The following SMC2 variants were observed in gnomAD, a reference collection of about 807,000 sequenced individuals.
SMC2 encodes the protein structural maintenance of chromosomes 2, also known as structural maintenance of chromosomes protein 2.
Under a neutral mutation model 142.6 loss-of-function variants are expected in SMC2, and 41 were observed. That is an observed-to-expected ratio of 0.29 (90% CI 0.22 to 0.37). The LOEUF (loss-of-function observed/expected upper bound fraction) is 0.37, where lower values mean the gene tolerates loss of function less well. SMC2 is among the 10% of genes least tolerant of loss of function. The pLI, the probability that SMC2 is intolerant of heterozygous loss-of-function variation, is 1.00. For missense variants in SMC2, 1,265 were observed against 1,373.7 expected, an observed-to-expected ratio of 0.92 and a Z score of 1.25; for synonymous variants, 463 against 457.5, an observed-to-expected ratio of 1.01 and a Z score of -0.15.
chr9:104,094,973 TAG>T (rs1830294726), intron 1 of SMC2: 2 of 184,430 alleles, frequency 1.1e-5, no homozygotes, highest in Non-Finnish European at 2.3e-5. Context: ...GTGAGTGCAG[TAG>T]AGAGTAAGCT....
chr9:104,132,793 C>G (rs542417206), intron 22 of SMC2, among the ~76,000 whole-genome samples: 1 of 151,454 alleles, frequency 6.6e-6, no homozygotes, highest in Non-Finnish European at 1.5e-5. Context: ...AAAGGCTGAC[C>G]CTATTAATTA....
At chr9:104,137,736 C>T (rs1283623255) in intron 23 of SMC2, among the ~76,000 whole-genome samples, 1 of 152,068 alleles carries the variant, frequency 6.6e-6, no homozygotes, top group Non-Finnish European at 1.5e-5. Flanking sequence ...TTAAAACTAA[C>T]ATGATCTTAA....
upstream of SMC2, among the ~76,000 whole-genome samples, chr9:104,093,745 C>A (rs4743686): frequency 1.6e-4 from 25 of 152,080 alleles, 1 homozygote; most frequent in East Asian, 3.9e-3. Context: ...AAAACGCTCC[C>A]CGAGGTCCGA....
intron 23 of SMC2, among the ~76,000 whole-genome samples, chr9:104,136,302 A>C (rs1052067421): frequency 3.3e-5 from 5 of 151,946 alleles, no homozygotes; most frequent in African/African-American, 1.2e-4. Context: ...GACCCCCTTT[A>C]TCATTTTTAT....
At chr9:104,096,362 A>G (rs1038019223) in intron 3 of SMC2, 65 bp downstream of exon 3, 12 of 1,496,528 alleles carry the variant, frequency 8.0e-6, no homozygotes, top group Non-Finnish European at 1.0e-5. Context: ...TTTTGGCCCT[A>G]TGCCTTTGCA....
Position 104,129,721 on chromosome 9 carries a change from A to T in SMC2, c.2867A>T (p.Asp956Val). The stretch of plus-strand genomic sequence containing the variant: ...TTTGGCCAACCCAATAGTGCCTATG[A>T]TTTCAAAACTAACAACCCTAAAGAA... ...HLFGQPNSAY[D>V]FKTNNPKEAG... The change falls in exon 21 of 25, where the codon GAT (aspartate) becomes GTT (valine). Residue 956 changes from aspartate to valine, a missense_variant. This residue lies in a region of SMC2 where 898 missense variants were observed against 904.2 expected (regional missense o/e 0.99). Transcript: ENST00000374793. The T allele has an allele frequency of 6.2e-7, 1 of 1,614,042 alleles. No homozygotes were observed. Among genetic ancestry groups the T allele is most frequent in the South Asian group, 1.1e-5 (1 of 91,084 alleles).
chr9:104,102,444 A>G lies in SMC2; in HGVS notation c.891A>G (p.Arg297=). Reference sequence around the variant, plus strand: ...TATAGGAAACTGGAGGTATACTTCGATCTTTAGAAGATGCTCTTGCAGAGG... The same window carrying G: ...TATAGGAAACTGGAGGTATACTTCGGTCTTTAGAAGATGCTCTTGCAGAGG... The part of the protein sequence containing the change: ...RKDKETGGIL[R]SLEDALAEAQ... Residue 297 remains arginine, a synonymous_variant, in exon 9 of 25, where the codon CGA becomes CGG. Coordinates refer to ENST00000374793, the MANE Select transcript of SMC2 (RefSeq NM_006444.3). The G allele has an allele frequency of 3.1e-6, 5 of 1,609,358 alleles. No homozygotes were observed. In the Middle Eastern group the frequency reaches 5.0e-4, roughly 160 times the overall value.
At position 104,113,401 on chromosome 9, in the gene SMC2, ATCAAGAAGC is replaced by A; in HGVS notation, c.1343_1351del (p.Gln448_Ala450del). Reference sequence around the variant, plus strand: ...AAGATGGATAGTGGCTACAGGAAGGATCAAGAAGCTCTAGAAGCTGTAAAAAGACTTAAA... The same window carrying A: ...AAGATGGATAGTGGCTACAGGAAGGATCTAGAAGCTGTAAAAAGACTTAAA... On this transcript the variant is annotated inframe_deletion, in exon 11 of 25. Transcript: ENST00000374793. 6.2e-7 allele frequency: 1 copy of A among 1,612,266 alleles called. No individual in the cohort carries two copies.
chr9:104,136,550 T>C (rs1209109210), intron 23 of SMC2, among the ~76,000 whole-genome samples: 1 of 152,084 alleles, frequency 6.6e-6, no homozygotes, highest in African/African-American at 2.4e-5. Context: ...TTTTTAGATA[T>C]ACCACTATCC....
intron 9 of SMC2, among the ~76,000 whole-genome samples, chr9:104,104,440 C>T (rs368584728): frequency 3.7e-4 from 57 of 152,294 alleles, no homozygotes; most frequent in African/African-American, 1.3e-3. Flanking sequence ...ACTTGCACAG[C>T]AGCTGAGGGA....
At position 104,139,327 on chromosome 9, in the gene SMC2, A is replaced by G. The variant is rs1222708315; in HGVS notation, c.*12A>G. 3.8e-6 allele frequency: 6 copies of G among 1,560,940 alleles called. No homozygotes were observed. The highest frequency in any genetic ancestry group is 2.4e-5 in the East Asian group (1 of 42,216). On this transcript the variant is annotated 3_prime_UTR_variant, in exon 25 of 25. Coordinates refer to ENST00000374793, the MANE Select transcript of SMC2 (RefSeq NM_006444.3). Reference sequence around the variant, plus strand: ...ATGTGGAAGTTTAAACTACAAAGTTATTTCTTCATCTTGACCTGTTTTTTT... The same window carrying G: ...ATGTGGAAGTTTAAACTACAAAGTTGTTTCTTCATCTTGACCTGTTTTTTT...
intron 1 of SMC2, chr9:104,094,691 G>C (rs4742905): frequency 0.54 from 192,410 of 357,502 alleles, 55,357 homozygotes; most frequent in African/African-American, 0.69. Context: ...CGAGGTAAAA[G>C]CCTGAGTAAA....
chr9:104,098,175 T>A (rs1701122710), intron 3 of SMC2, among the ~76,000 whole-genome samples: 1 of 152,208 alleles, frequency 6.6e-6, no homozygotes, highest in Admixed American at 6.5e-5. Context: ...AAGCTAGAAG[T>A]TACCTCGGAG....
At chr9:104,130,771 A>G (rs1338832692) in intron 21 of SMC2, among the ~76,000 whole-genome samples, 2 of 152,162 alleles carry the variant, frequency 1.3e-5, no homozygotes, top group Non-Finnish European at 2.9e-5. Context: ...TCTGAATTTG[A>G]TCTGCATAAC....
At chr9:104,098,321 A>G in intron 3 of SMC2, 125 bp from the exon 4 acceptor site, 1 of 699,246 alleles carries the variant, frequency 1.4e-6, no homozygotes, top group South Asian at 2.4e-5. Context: ...TCCACTATTT[A>G]TGCAGAATTG....
At chr9:104,136,755 C>CTTTTTTTTTTTTTTTTTTTTTTTTTTTT (rs755408895) in intron 23 of SMC2, among the ~76,000 whole-genome samples, 1 of 119,834 alleles carries the variant, frequency 8.3e-6, no homozygotes, top group African/African-American at 3.1e-5. Flanking sequence ...CTGTTTTATT[C>CTTTTTTTTTTTTTTTTTTTTTTTTTTTT]TTTTTTTTTT....
At chr9:104,138,211 T>A in intron 24 of SMC2, 46 bp downstream of exon 24, 4 of 1,479,348 alleles carry the variant, frequency 2.7e-6, no homozygotes, top group Non-Finnish European at 3.6e-6. Flanking sequence ...AATTAGACTA[T>A]TTTTCTAAAA....
intron 17 of SMC2, among the ~76,000 whole-genome samples, chr9:104,123,873 C>T (rs546908256): frequency 6.6e-6 from 1 of 152,140 alleles, no homozygotes; most frequent in South Asian, 2.1e-4. Flanking sequence ...TATATGTTTT[C>T]CTTAGAATTT....
In SMC2 at chr9:104,134,552, A is replaced by G. The variant is rs1439401420; in HGVS notation, c.3246A>G (p.Leu1082=). The G allele has an allele frequency of 1.9e-6, 3 of 1,609,438 alleles. No homozygotes were observed. The highest frequency in any genetic ancestry group is 1.3e-5 in the African/African-American group (1 of 74,422). Residue 1082 remains leucine (L), a synonymous_variant, in exon 23 of 25, where the codon CTA becomes CTG. Transcript: ENST00000374793. ...TGGGAAATACCTGGAAAGAAAACCT[A>G]ACTGAACTTAGTGGTGGTCAGAGGT... is the stretch of plus-strand genomic sequence containing the variant. ...VALGNTWKEN[L]TELSGGQRSL...
Sources: gnomAD v4.1 joint callset for allele counts (sites outside exome capture counted in the v4.1 genomes callset) on GRCh38, gnomAD v4.1.1 for gene constraint, gnomAD v4.1.1 regional missense constraint, MANE v1.5 for transcripts, NCBI Gene and HGNC (gene_info 2026-07-23, HGNC 2026-07-21) for gene names.